RSF1: variants seen among roughly 807,000 people sequenced by gnomAD.
RSF1 encodes the protein remodeling and spacing factor 1, also known as HBV pX-associated protein 8.
A neutral mutation model predicts 145.2 loss-of-function variants in RSF1; 13 were observed. That is an observed-to-expected ratio of 0.09 (90% CI 0.06 to 0.14). The LOEUF is 0.14. Among genes scored for constraint, RSF1 ranks in the 10% least tolerant of loss-of-function variants. The pLI, the probability that RSF1 is intolerant of heterozygous loss-of-function variation, is 1.00. For synonymous variants in RSF1, 577 were observed against 592.6 expected, an observed-to-expected ratio of 0.97 and a Z score of 0.38; for missense variants, 1,517 against 1,718.2, an observed-to-expected ratio of 0.88 and a Z score of 2.07.
Position 77,664,455 on chromosome 11 carries a change from T to A in RSF1, c.*2462A>T, listed in dbSNP as rs564255862. 6.6e-6 allele frequency: 1 copy of A among 152,220 alleles called. No individual in the cohort carries two copies. The highest frequency in any genetic ancestry group is 6.5e-5 in the Admixed American group (1 of 15,272). The allele number at this position is 152,220 out of a possible 1,614,324, so 9.4% of individuals were successfully genotyped here. ...GGTAAGAATTACCTTAGGCTTTCTA[T>A]AGTAGAAGAGTAAAAATAACTCCTT... On this transcript the variant is annotated 3_prime_UTR_variant, in exon 16 of 16. Transcript: ENST00000308488.
intron 5 of RSF1, among the ~76,000 whole-genome samples, chr11:77,720,596 A>C (rs1414705140): frequency 6.6e-6 from 1 of 152,212 alleles, no homozygotes; most frequent in African/African-American, 2.4e-5. Flanking sequence ...GAGCGTTTCA[A>C]GCCTGATGCC....
chr11:77,865,617 C>G, the RSF1 span, among the ~76,000 whole-genome samples: 2 of 152,230 alleles, frequency 1.3e-5, no homozygotes, highest in Admixed American at 1.3e-4. Flanking sequence ...AGCTATATGC[C>G]CCAGAAAATG....
Position 77,701,215 on chromosome 11 carries a change from C to A in RSF1, c.2014G>T (p.Asp672Tyr). The A allele has an allele frequency of 6.2e-7, 1 of 1,614,102 alleles. No individual in the cohort carries two copies. Among genetic ancestry groups the A allele is most frequent in the Non-Finnish European group, 8.5e-7 (1 of 1,180,018 alleles). Residue 672 changes from aspartate (D) to tyrosine (Y), a missense_variant, in exon 6 of 16, where the codon GAT becomes TAT. Around this residue, in one of 12 missense-constraint regions of RSF1, gnomAD observed 579 missense variants for 553.5 expected, o/e 1.05. Transcript: ENST00000308488. ...KKVDLETLKEDSEFTKVEMDN... is the reference protein window; with the variant it reads ...KKVDLETLKEYSEFTKVEMDN... ...ATTTCTACCTTTGTGAACTCAGAAT[C>A]CTCTTTTAGGGTTTCTAGGTCTACT...
intron 3 of RSF1, among the ~76,000 whole-genome samples, chr11:77,745,438 G>A (rs1947989497): frequency 6.6e-6 from 1 of 151,594 alleles, no homozygotes; most frequent in African/African-American, 2.4e-5. Flanking sequence ...TGCTTTTGCT[G>A]CATTTTGTAA....
At chr11:77,697,867 T>G (rs1960320656) in intron 7 of RSF1, among the ~76,000 whole-genome samples, 1 of 152,128 alleles carries the variant, frequency 6.6e-6, no homozygotes, top group South Asian at 2.1e-4. Flanking sequence ...GCCACTCTTT[T>G]GCCATTAAAA....
At chr11:77,862,199 G>A in the RSF1 span, among the ~76,000 whole-genome samples, 1 of 152,136 alleles carries the variant, frequency 6.6e-6, no homozygotes, top group East Asian at 1.9e-4. Context: ...TGGCCTGTGG[G>A]GAATCGTTCT....
the RSF1 span, among the ~76,000 whole-genome samples, chr11:77,829,435 G>A: frequency 6.6e-6 from 1 of 152,300 alleles, no homozygotes; most frequent in Admixed American, 6.5e-5. Context: ...GAACAGAATG[G>A]AGACTCACAT....
intron 1 of RSF1, among the ~76,000 whole-genome samples, chr11:77,793,469 G>A (rs1208681894): frequency 1.3e-5 from 2 of 152,050 alleles, no homozygotes; most frequent in African/African-American, 4.8e-5. Flanking sequence ...TGGGTGACAG[G>A]AGAGATCTTC....
At chr11:77,745,403 T>C (rs1435500791) in intron 3 of RSF1, among the ~76,000 whole-genome samples, 4 of 152,138 alleles carry the variant, frequency 2.6e-5, no homozygotes, top group Admixed American at 6.6e-5. Context: ...TGGCCATCGA[T>C]TGCTATGAAC....
Position 77,723,239 on chromosome 11 carries a change from G to A in RSF1, c.733+2306C>T, listed in dbSNP as rs146578055. Among the ~76,000 whole-genome samples, 27 of 152,230 alleles carry A rather than the reference G, an allele frequency of 1.8e-4. No homozygotes were observed. The East Asian group carries it at 5.0e-3, about 28-fold the overall frequency. On this transcript the variant is annotated intron_variant, in intron 5 of 15. Transcript: ENST00000308488. ...TTTGGGAAGCCAAGGCAGGAGGGTC[G>A]CCTGAGGCCAAGTCAAGACCAGCCT...
At chr11:77,672,386 T>C (rs905750127) in intron 14 of RSF1, among the ~76,000 whole-genome samples, 156 bp from the exon 15 acceptor site, 2 of 152,184 alleles carry the variant, frequency 1.3e-5, no homozygotes, top group Non-Finnish European at 2.9e-5. Context: ...TGAGAGAGTA[T>C]CTCACTATCA....
intron 9 of RSF1, among the ~76,000 whole-genome samples, chr11:77,685,914 C>T (rs1349416348): frequency 6.6e-6 from 1 of 152,002 alleles, no homozygotes; most frequent in Non-Finnish European, 1.5e-5. Context: ...GTAAACAAAA[C>T]CTTATCAAGG....
At chr11:77,782,210 G>C (rs1434437189) in intron 1 of RSF1, among the ~76,000 whole-genome samples, 1 of 152,066 alleles carries the variant, frequency 6.6e-6, no homozygotes, top group Non-Finnish European at 1.5e-5. Context: ...TGACATATTG[G>C]AGACAGCAGG....
At chr11:77,683,622 T>G in intron 11 of RSF1, 88 bp downstream of exon 11, 1 of 785,940 alleles carries the variant, frequency 1.3e-6, no homozygotes. Flanking sequence ...ATAATCAGCA[T>G]GATAGAAAAA....
chr11:77,675,991 G>A (rs1279176167), intron 13 of RSF1, among the ~76,000 whole-genome samples: 3 of 152,172 alleles, frequency 2.0e-5, no homozygotes, highest in Non-Finnish European at 4.4e-5. Context: ...CTCCAGTAGG[G>A]CACTCTCTAC....
intron 4 of RSF1, among the ~76,000 whole-genome samples, chr11:77,738,087 C>T (rs1208528536): frequency 1.3e-5 from 2 of 152,208 alleles, no homozygotes; most frequent in Non-Finnish European, 2.9e-5. Context: ...CAAGATCGCG[C>T]CACTGCACTC....
At chr11:77,760,606 T>A (rs1313415947) in intron 2 of RSF1, among the ~76,000 whole-genome samples, 5 of 152,170 alleles carry the variant, frequency 3.3e-5, no homozygotes, top group Non-Finnish European at 7.3e-5. Flanking sequence ...ACAATGCATA[T>A]AAAAATTAAG....
intron 1 of RSF1, among the ~76,000 whole-genome samples, chr11:77,798,530 G>A (rs1398217349): frequency 1.5e-5 from 2 of 130,490 alleles, no homozygotes; most frequent in East Asian, 2.5e-4. Flanking sequence ...GCAGTGAGCC[G>A]AGATCATGCC....
chr11:77,851,137 T>C, the RSF1 span: 1 of 152,312 alleles, frequency 6.6e-6, no homozygotes, highest in Admixed American at 6.5e-5. Flanking sequence ...GTATTTTTAG[T>C]AGAGACAGGG....
Sources: gnomAD v4.1 joint callset for allele counts (sites outside exome capture counted in the v4.1 genomes callset) on GRCh38, gnomAD v4.1.1 for gene constraint, gnomAD v4.1.1 regional missense constraint, MANE v1.5 for transcripts, NCBI Gene and HGNC (gene_info 2026-07-23, HGNC 2026-07-21) for gene names.